The following GPC6 variants were observed in gnomAD, a reference collection of about 807,000 sequenced individuals.
The protein encoded by GPC6 is glypican-6.
GPC6 carries 14 observed loss-of-function variants against 55.2 expected under a neutral mutation model. The observed-to-expected ratio is 0.25, with a 90% CI of 0.17 to 0.40. The LOEUF (loss-of-function observed/expected upper bound fraction) is 0.40. GPC6 is among the 10% of genes least tolerant of loss of function. The pLI is 1.00. For missense variants in GPC6, 641 were observed against 708.5 expected, an observed-to-expected ratio of 0.90 and a Z score of 1.08; for synonymous variants, 278 against 259.6, an observed-to-expected ratio of 1.07 and a Z score of -0.68.
chr13:94,356,596 A>T (rs1445567879), intron 6 of GPC6, among the ~76,000 whole-genome samples: 1 of 152,234 alleles, frequency 6.6e-6, no homozygotes, highest in Non-Finnish European at 1.5e-5. Context: ...GCCTGAAAGG[A>T]TGAAGCAGCT....
intron 1 of GPC6, among the ~76,000 whole-genome samples, chr13:93,252,439 G>T (rs1048138881): frequency 1.3e-5 from 2 of 152,050 alleles, no homozygotes; most frequent in East Asian, 3.9e-4. Context: ...GTGCACACTC[G>T]TGACAATGCT....
intron 2 of GPC6, among the ~76,000 whole-genome samples, chr13:93,681,166 A>G (rs1881832285): frequency 6.6e-6 from 1 of 152,186 alleles, no homozygotes; most frequent in African/African-American, 2.4e-5. Context: ...AGTTAGAGAT[A>G]AGGAATAAAA....
At chr13:93,684,801 T>C (rs1251091557) in intron 2 of GPC6, among the ~76,000 whole-genome samples, 1 of 152,174 alleles carries the variant, frequency 6.6e-6, no homozygotes, top group Non-Finnish European at 1.5e-5. Context: ...CATTTAAAAC[T>C]CTTAACCACA....
At chr13:94,241,125 C>T (rs1418075120) in intron 4 of GPC6, among the ~76,000 whole-genome samples, 1 of 152,128 alleles carries the variant, frequency 6.6e-6, no homozygotes, top group African/African-American at 2.4e-5. Context: ...TTAAAAGAGA[C>T]TAGAGTGCAA....
In GPC6 at chr13:94,079,826, A is replaced by C. The variant is rs138207937; in HGVS notation, c.877+51932A>C. Among the ~76,000 whole-genome samples, 8 of 152,308 alleles carry C rather than the reference A, an allele frequency of 5.3e-5. No individual in the cohort carries two copies. The East Asian group carries it at 1.5e-3, about 29-fold the overall frequency. Reference sequence around the variant, plus strand: ...ATCAGACTTTTAAGCTACCTGGATGACAGTGTCTAGTAGTATTTATCTTTA... The same window carrying C: ...ATCAGACTTTTAAGCTACCTGGATGCCAGTGTCTAGTAGTATTTATCTTTA... On this transcript the variant is annotated intron_variant, in intron 4 of 8. Transcript: ENST00000377047.
At chr13:94,386,427 C>CA (rs1880412370) in intron 7 of GPC6, among the ~76,000 whole-genome samples, 1 of 148,692 alleles carries the variant, frequency 6.7e-6, no homozygotes, top group East Asian at 2.0e-4. Flanking sequence ...CCTGTCTCTA[C>CA]AAAAAATATT....
At chr13:93,346,812 T>C (rs1057080319) in intron 1 of GPC6, among the ~76,000 whole-genome samples, 4 of 152,342 alleles carry the variant, frequency 2.6e-5, no homozygotes, top group African/African-American at 7.2e-5. Flanking sequence ...GGCATTGCTC[T>C]GTTGAAATTT....
At chr13:94,161,275 C>T (rs1283283710) in intron 4 of GPC6, among the ~76,000 whole-genome samples, 2 of 152,178 alleles carry the variant, frequency 1.3e-5, no homozygotes, top group Non-Finnish European at 2.9e-5. Context: ...ACAACCATTT[C>T]CTCATCTGTT....
intron 2 of GPC6, among the ~76,000 whole-genome samples, chr13:93,574,363 T>A (rs1269306283): frequency 6.6e-6 from 1 of 152,048 alleles, no homozygotes; most frequent in Non-Finnish European, 1.5e-5. Flanking sequence ...GATTGGTGTA[T>A]CGTGTCTACA....
Position 93,821,022 on chromosome 13 carries a change from A to C in GPC6, c.320-9132A>C, listed in dbSNP as rs552037413. On this transcript the variant is annotated intron_variant, in intron 2 of 8. Coordinates refer to ENST00000377047, the MANE Select transcript of GPC6 (RefSeq NM_005708.5). ...ATTAAACTGTCTTCCTGACTACAAG[A>C]ATTTAAAGGCATGATATGTTTTGTT... Among the ~76,000 whole-genome samples, 195 of 152,292 alleles carry C rather than the reference A, an allele frequency of 1.3e-3. 4 individuals are homozygous for C. The highest frequency in any genetic ancestry group is 2.6e-3 in the Admixed American group (39 of 15,294).
chr13:93,370,870 G>A (rs1319395341), intron 1 of GPC6, among the ~76,000 whole-genome samples: 1 of 152,044 alleles, frequency 6.6e-6, no homozygotes, highest in Non-Finnish European at 1.5e-5. Flanking sequence ...ATTGAGAATG[G>A]CTCAATACTT....
chr13:93,317,129 A>T (rs1594092479), intron 1 of GPC6, among the ~76,000 whole-genome samples: 1 of 152,040 alleles, frequency 6.6e-6, no homozygotes, highest in African/African-American at 2.4e-5. Context: ...GCTGACTTTT[A>T]ACACACTCAT....
chr13:93,880,280 G>T (rs1341124111), intron 3 of GPC6, among the ~76,000 whole-genome samples: 1 of 151,844 alleles, frequency 6.6e-6, no homozygotes, highest in African/African-American at 2.4e-5. Context: ...GTTTATTGCG[G>T]CATTATTCAC....
At chr13:93,597,209 C>T (rs1316332911) in intron 2 of GPC6, among the ~76,000 whole-genome samples, 1 of 151,924 alleles carries the variant, frequency 6.6e-6, no homozygotes, top group Non-Finnish European at 1.5e-5. Flanking sequence ...ATAGACAAAT[C>T]CAGAATAATG....
At chr13:93,351,929 A>AT (rs1211274856) in intron 1 of GPC6, among the ~76,000 whole-genome samples, 3 of 152,252 alleles carry the variant, frequency 2.0e-5, no homozygotes, top group East Asian at 3.9e-4. Context: ...TTAGAAGCAG[A>AT]TTTTTTCAGT....
At chr13:93,766,194 G>T (rs1054942166) in intron 2 of GPC6, among the ~76,000 whole-genome samples, 6 of 152,108 alleles carry the variant, frequency 3.9e-5, no homozygotes, top group African/African-American at 1.4e-4. Context: ...TTCAGCAAAA[G>T]AATTAAGAAT....
chr13:93,892,446 C>G (rs1327043670), intron 3 of GPC6, among the ~76,000 whole-genome samples: 4 of 152,104 alleles, frequency 2.6e-5, no homozygotes, highest in African/African-American at 9.7e-5. Context: ...GATATTTTGT[C>G]AATATGGATC....
At position 93,761,864 on chromosome 13, in the gene GPC6, T is replaced by C. The variant is rs1884966267; in HGVS notation, c.320-68290T>C. Among the ~76,000 whole-genome samples the C allele has an allele frequency of 1.3e-5, 2 of 152,210 alleles. 1 individual carries two copies. The highest frequency in any genetic ancestry group is 4.1e-4 in the South Asian group (2 of 4,838). On this transcript the variant is annotated intron_variant, in intron 2 of 8. Transcript: ENST00000377047. Reference sequence around the variant, plus strand: ...GTCATCTGAAATACTATCATTTTTTTGTGATGAGAACATTTAAAATCCACT... The same window carrying C: ...GTCATCTGAAATACTATCATTTTTTCGTGATGAGAACATTTAAAATCCACT...
chr13:94,045,611 T>A (rs898053576), intron 4 of GPC6, among the ~76,000 whole-genome samples: 1 of 151,778 alleles, frequency 6.6e-6, no homozygotes, highest in African/African-American at 2.4e-5. Flanking sequence ...TTGGTGAAAA[T>A]ATTTAAAACA....
Sources: gnomAD v4.1 joint callset for allele counts (sites outside exome capture counted in the v4.1 genomes callset) on GRCh38, gnomAD v4.1.1 for gene constraint, MANE v1.5 for transcripts, NCBI Gene and HGNC (gene_info 2026-07-23, HGNC 2026-07-21) for gene names.